Variants in COL6A6 observed in about 807,000 individuals in gnomAD.
The protein encoded by COL6A6 is collagen alpha-6(VI) chain.
Under a neutral mutation model 208.6 loss-of-function variants are expected in COL6A6, and 183 were observed. That is an observed-to-expected ratio of 0.88 (90% confidence interval 0.78 to 0.99). The LOEUF (loss-of-function observed/expected upper bound fraction) is 0.99. Ranked by LOEUF, COL6A6 falls within the 50% of genes least tolerant of loss-of-function variation. COL6A6 has a pLI of 0.00. For missense variants in COL6A6, 2,816 were observed against 2,815.2 expected (o/e 1.00, Z -0.01); for synonymous variants, 973 against 1,011.8 (o/e 0.96, Z 0.73).
intron 1 of COL6A6, among the ~76,000 whole-genome samples, chr3:130,535,359 T>C (rs1454985889): frequency 6.6e-6 from 1 of 152,218 alleles, no homozygotes; most frequent in Non-Finnish European, 1.5e-5. Flanking sequence ...TACCTCATTT[T>C]ATACTTTTTT....
intron 36 of COL6A6, among the ~76,000 whole-genome samples, chr3:130,673,183 A>AC (rs1462209417): frequency 2.8e-5 from 4 of 144,182 alleles, no homozygotes; most frequent in Admixed American, 1.4e-4. Flanking sequence ...TATCTCAAAA[A>AC]AAAAAAACAA....
chr3:130,674,043 A>G (rs1272327693), intron 36 of COL6A6, among the ~76,000 whole-genome samples: 2 of 152,180 alleles, frequency 1.3e-5, no homozygotes, highest in Non-Finnish European at 2.9e-5. Flanking sequence ...TTTACACCTG[A>G]AGAAACAAGG....
At chr3:130,577,307 C>T (rs143391635) in intron 8 of COL6A6, among the ~76,000 whole-genome samples, 39 of 152,212 alleles carry the variant, frequency 2.6e-4, no homozygotes, top group African/African-American at 9.1e-4. Flanking sequence ...GTCTGACCCC[C>T]GTCTGTTCCT....
At chr3:130,647,948 T>C (rs192776639) in intron 32 of COL6A6, among the ~76,000 whole-genome samples, 1 of 152,364 alleles carries the variant, frequency 6.6e-6, no homozygotes, top group African/African-American at 2.4e-5. Context: ...TGAGCTCTTT[T>C]TCATTCATTC....
chr3:130,586,470 C>T (rs756646234), intron 10 of COL6A6, 36 bp from the exon 11 acceptor site: 2 of 1,567,752 alleles, frequency 1.3e-6, no homozygotes, highest in Non-Finnish European at 8.6e-7. Context: ...TAACCAAACC[C>T]ACCTCACCTG....
intron 28 of COL6A6, among the ~76,000 whole-genome samples, chr3:130,639,957 G>A (rs186799517): frequency 4.6e-5 from 7 of 152,236 alleles, no homozygotes; most frequent in African/African-American, 1.7e-4. Flanking sequence ...CACATTTACT[G>A]TACATACCCT....
At chr3:130,561,929 G>A (rs1179947185) in intron 2 of COL6A6, among the ~76,000 whole-genome samples, 1 of 152,112 alleles carries the variant, frequency 6.6e-6, no homozygotes, top group African/African-American at 2.4e-5. Context: ...TGGGATTACA[G>A]GCGTGAGCCA....
rs1221069085 is a variant in COL6A6, at chr3:130,665,114, T to C, written c.6596+18T>C. On this transcript the variant is annotated intron_variant, in intron 36 of 36. Transcript: ENST00000358511. The stretch of plus-strand genomic sequence containing the variant: ...TTCCGAAGGTACTGTCTGTTTGGTG[T>C]TACTTGATAAATGAGAATGCCCCCT... 6.4e-7 allele frequency: 1 copy of C among 1,557,582 alleles called. No homozygotes were observed. Among genetic ancestry groups the C allele is most frequent in the Non-Finnish European group, 8.8e-7 (1 of 1,139,930 alleles).
chr3:130,654,306 T>C (rs183349222), intron 33 of COL6A6, among the ~76,000 whole-genome samples: 14 of 149,596 alleles, frequency 9.4e-5, no homozygotes, highest in East Asian at 7.9e-4. Context: ...GATTTTTTTT[T>C]CCCCCTGGAT....
At chr3:130,635,174 A>G (rs2065074716) in intron 27 of COL6A6, among the ~76,000 whole-genome samples, 1 of 152,106 alleles carries the variant, frequency 6.6e-6, no homozygotes, top group Admixed American at 6.6e-5. Flanking sequence ...GATGGAGGTT[A>G]TAGTAAGCTG....
chr3:130,662,414 T>G, intron 35 of COL6A6, 106 bp downstream of exon 35: 1 of 1,094,030 alleles, frequency 9.1e-7, no homozygotes, highest in Non-Finnish European at 1.3e-6. Context: ...TTGTCTGTCT[T>G]CAAGGGCACT....
At position 130,649,288 on chromosome 3, in the gene COL6A6, A is replaced by G; in HGVS notation, c.5459A>G (p.Lys1820Arg). ...RHLVRFSDAY[K>R]KSQLLREIET... Reference sequence around the variant, plus strand: ...CTTGTGCGCTTCTCAGACGCCTACAAGAAGAGTCAACTTCTCAGAGAAATT... The same window carrying G: ...CTTGTGCGCTTCTCAGACGCCTACAGGAAGAGTCAACTTCTCAGAGAAATT... Residue 1820 changes from lysine (K) to arginine (R), a missense_variant, in exon 33 of 37, where the codon AAG becomes AGG. Transcript: ENST00000358511. 2 of 1,605,378 alleles carry G rather than the reference A, an allele frequency of 1.2e-6. No individual in the cohort carries two copies. The highest frequency in any genetic ancestry group is 1.7e-6 in the Non-Finnish European group (2 of 1,175,990).
intron 33 of COL6A6, among the ~76,000 whole-genome samples, chr3:130,656,751 C>G (rs756106685): frequency 1.3e-5 from 2 of 152,200 alleles, no homozygotes; most frequent in African/African-American, 4.8e-5. Flanking sequence ...CCAAGCTGCC[C>G]TGAGAACCCC....
intron 20 of COL6A6, among the ~76,000 whole-genome samples, chr3:130,600,648 A>G (rs1576305679): frequency 6.6e-6 from 1 of 152,208 alleles, no homozygotes; most frequent in South Asian, 2.1e-4. Context: ...TTCACTCACA[A>G]GTGGGAGTTG....
chr3:130,517,178 C>T lies in COL6A6; in HGVS notation c.-251C>T. Reference sequence around the variant, plus strand: ...ATGTCGGCGAGGGGCGTGGGAGCTGCCACCCGCTTGCCTGCGGGACACCGG... The same window carrying T: ...ATGTCGGCGAGGGGCGTGGGAGCTGTCACCCGCTTGCCTGCGGGACACCGG... On this transcript the variant is annotated 5_prime_UTR_variant, in exon 1 of 37. Transcript: ENST00000358511. 6.6e-6 allele frequency among the ~76,000 whole-genome samples: 1 copy of T among 152,200 alleles called. No individual in the cohort carries two copies. Among genetic ancestry groups the T allele is most frequent in the East Asian group, 1.9e-4 (1 of 5,182 alleles).
intron 27 of COL6A6, among the ~76,000 whole-genome samples, chr3:130,635,245 T>A (rs1032994): frequency 0.13 from 20,282 of 151,454 alleles, 1,609 homozygotes; most frequent in Admixed American, 0.21. Flanking sequence ...CAAAAAAAAA[T>A]AAAAGTAGAA....
intron 7 of COL6A6, among the ~76,000 whole-genome samples, chr3:130,572,439 C>A (rs1487788272): frequency 6.6e-6 from 1 of 152,222 alleles, no homozygotes; most frequent in Non-Finnish European, 1.5e-5. Context: ...GCTATTAATT[C>A]ATGATTCCAA....
chr3:130,671,242 A>G (rs1447450581), intron 36 of COL6A6, among the ~76,000 whole-genome samples: 2 of 152,188 alleles, frequency 1.3e-5, no homozygotes, highest in Non-Finnish European at 2.9e-5. Context: ...TGAATGCTGC[A>G]AGGACACATG....
At chr3:130,544,341 C>G (rs1445742564) in intron 1 of COL6A6, among the ~76,000 whole-genome samples, 1 of 152,196 alleles carries the variant, frequency 6.6e-6, no homozygotes, top group African/African-American at 2.4e-5. Flanking sequence ...GGGAGGATAT[C>G]CTTTTTTAAG....
Sources: gnomAD v4.1 joint callset for allele counts (sites outside exome capture counted in the v4.1 genomes callset) on GRCh38, gnomAD v4.1.1 for gene constraint, MANE v1.5 for transcripts, NCBI Gene and HGNC (gene_info 2026-07-23, HGNC 2026-07-21) for gene names.